The following CCDC191 variants were observed in gnomAD, a reference collection of about 807,000 sequenced individuals.
CCDC191 encodes the protein coiled-coil domain-containing protein 191.
CCDC191 carries 99 observed loss-of-function variants against 114.0 expected under a neutral mutation model. That is an observed-to-expected ratio of 0.87 (90% CI 0.74 to 1.03). The LOEUF (loss-of-function observed/expected upper bound fraction) is 1.03. Ranked by LOEUF, CCDC191 falls within the 50% of genes least tolerant of loss-of-function variation. The pLI is 0.00. For missense variants in CCDC191, 973 were observed against 1,087.0 expected (o/e 0.90, Z 1.47); for synonymous variants, 351 against 376.0 (o/e 0.93, Z 0.77).
chr3:114,022,299 T>C (rs886716257), intron 7 of CCDC191, among the ~76,000 whole-genome samples: 2 of 152,182 alleles, frequency 1.3e-5, no homozygotes, highest in Non-Finnish European at 1.5e-5. Flanking sequence ...CTAGGAATGA[T>C]TGACGTTAGG....
At chr3:113,970,335 C>T (rs970636517) in intron 16 of CCDC191, among the ~76,000 whole-genome samples, 2 of 151,918 alleles carry the variant, frequency 1.3e-5, no homozygotes, top group African/African-American at 4.8e-5. Flanking sequence ...AATTTGGATA[C>T]ATTTTTTTTA....
chr3:113,978,390 A>G (rs2075011816), intron 15 of CCDC191, 59 bp from the exon 16 acceptor site: 1 of 1,549,296 alleles, frequency 6.5e-7, no homozygotes, highest in Non-Finnish European at 8.9e-7. Flanking sequence ...AAAGAATTAG[A>G]GCAAATAAAC....
intron 16 of CCDC191, among the ~76,000 whole-genome samples, chr3:113,974,759 AT>A (rs1941157814): frequency 6.6e-6 from 1 of 151,806 alleles, no homozygotes; most frequent in Middle Eastern, 3.4e-3. Context: ...TACCTGTTTA[AT>A]TTCTTTTTTG....
chr3:114,042,454 G>A (rs2107747945), intron 4 of CCDC191, among the ~76,000 whole-genome samples: 1 of 152,110 alleles, frequency 6.6e-6, no homozygotes, highest in South Asian at 2.1e-4. Context: ...AGGGGGTCCT[G>A]GAACTAATTC....
At chr3:114,002,249 T>C (rs1240642662) in intron 12 of CCDC191, among the ~76,000 whole-genome samples, 1 of 152,206 alleles carries the variant, frequency 6.6e-6, no homozygotes, top group Non-Finnish European at 1.5e-5. Flanking sequence ...AACATTTTCT[T>C]CCTGCTGTGT....
At chr3:114,006,599 T>TAA (rs1321397981) in intron 9 of CCDC191, among the ~76,000 whole-genome samples, 5 of 135,474 alleles carry the variant, frequency 3.7e-5, no homozygotes, top group Non-Finnish European at 6.2e-5. Flanking sequence ...TATATATATA[T>TAA]ATATATATAT....
intron 7 of CCDC191, among the ~76,000 whole-genome samples, chr3:114,030,317 A>G (rs2076386823): frequency 6.6e-6 from 1 of 152,140 alleles, no homozygotes; most frequent in African/African-American, 2.4e-5. Context: ...TTTTTAGAAA[A>G]CACACTTTAT....
At chr3:113,989,576 G>A (rs2075487012) in intron 13 of CCDC191, among the ~76,000 whole-genome samples, 1 of 152,026 alleles carries the variant, frequency 6.6e-6, no homozygotes, top group Non-Finnish European at 1.5e-5. Flanking sequence ...GGGACAATGA[G>A]GACATCTCAA....
chr3:113,980,487 G>T (rs767030546), intron 14 of CCDC191, among the ~76,000 whole-genome samples, 163 bp downstream of exon 14: 1 of 151,964 alleles, frequency 6.6e-6, no homozygotes. Context: ...TACCTTAAAA[G>T]ACCAAATCAA....
intron 2 of CCDC191, among the ~76,000 whole-genome samples, chr3:114,047,590 G>A (rs1308787994): frequency 6.6e-6 from 1 of 152,188 alleles, no homozygotes; most frequent in African/African-American, 2.4e-5. Flanking sequence ...CTTGAGCCCA[G>A]AGGGTTGGGA....
chr3:114,004,094 C>A (rs537645877), intron 11 of CCDC191: 3 of 939,180 alleles, frequency 3.2e-6, no homozygotes, highest in Non-Finnish European at 3.8e-6. Context: ...CACAGGAAGA[C>A]CCTGCCTGTA....
At chr3:114,041,737 GGGTATCTGAGTCATGTA>G (rs2076564196) in intron 4 of CCDC191, among the ~76,000 whole-genome samples, 3 of 152,108 alleles carry the variant, frequency 2.0e-5, no homozygotes, top group Non-Finnish European at 4.4e-5. Context: ...AATTCACCAA[GGGTATCTGAGTCATGTA>G]TGGGGAGCTG....
intron 6 of CCDC191, 86 bp downstream of exon 6, chr3:114,034,839 T>C (rs2076458489): frequency 9.6e-7 from 1 of 1,042,902 alleles, no homozygotes; most frequent in Non-Finnish European, 1.4e-6. Flanking sequence ...TGTTATTGAA[T>C]GTTTGTGCAC....
intron 3 of CCDC191, among the ~76,000 whole-genome samples, chr3:114,044,350 T>G (rs538429206): frequency 1.4e-4 from 21 of 152,228 alleles, no homozygotes; most frequent in Non-Finnish European, 2.5e-4. Flanking sequence ...TCTTTCTTAA[T>G]GCTATTAAGA....
intron 16 of CCDC191, among the ~76,000 whole-genome samples, chr3:113,968,648 TGG>T (rs1024603685): frequency 2.8e-4 from 42 of 150,480 alleles, no homozygotes; most frequent in Admixed American, 2.4e-3. Context: ...TTGGTAGAGA[TGG>T]GGTTTTGCCA....
intron 8 of CCDC191, 26 bp downstream of exon 8, chr3:114,018,652 G>C: frequency 1.9e-6 from 3 of 1,572,254 alleles, no homozygotes; most frequent in Non-Finnish European, 2.6e-6. Context: ...AAACATACTA[G>C]ATTTTCACAA....
chr3:114,021,665 C>A lies in CCDC191; in HGVS notation c.973-2797G>T, dbSNP rs185916712. Among the ~76,000 whole-genome samples, 4 of 152,090 alleles carry A rather than the reference C, an allele frequency of 2.6e-5. No homozygotes were observed. The East Asian group carries it at 5.8e-4, about 22-fold the overall frequency. On this transcript the variant is annotated intron_variant, in intron 7 of 16. Transcript: ENST00000295878. ...CTTCCACAGACCTGAACTATTTATT[C>A]TTTCTATTCCTCCCTCCCCCCAGCT... is the stretch of plus-strand genomic sequence containing the variant.
At chr3:113,985,137 T>C (rs1336181532) in intron 13 of CCDC191, among the ~76,000 whole-genome samples, 2 of 152,126 alleles carry the variant, frequency 1.3e-5, no homozygotes, top group Non-Finnish European at 2.9e-5. Context: ...TCTCATCCCT[T>C]TGAAGGCTTT....
At chr3:114,008,075 TATTACTATATATATAA>T (rs952244488) in intron 9 of CCDC191, among the ~76,000 whole-genome samples, 13 of 147,202 alleles carry the variant, frequency 8.8e-5, no homozygotes, top group Admixed American at 2.0e-4. Flanking sequence ...TTACTATATA[TATTACTATATATATAA>T]ATTACTATAT....
Sources: allele counts gnomAD v4.1 joint callset (sites outside exome capture counted in the v4.1 genomes callset), GRCh38; gene constraint gnomAD v4.1.1; transcripts MANE v1.5; gene names NCBI Gene and HGNC (gene_info 2026-07-23, HGNC 2026-07-21).